TMCC2: variants seen among roughly 807,000 people sequenced by gnomAD.
TMCC2 encodes transmembrane and coiled-coil domain family 2.
In TMCC2, 16 loss-of-function variants were observed where a neutral mutation model predicts 49.4. That is an observed-to-expected ratio of 0.32 (90% CI 0.22 to 0.49). The LOEUF (loss-of-function observed/expected upper bound fraction) is 0.49. TMCC2 is among the 20% of genes least tolerant of loss of function. The pLI, the probability that TMCC2 is intolerant of heterozygous loss-of-function variation, is 0.99. For synonymous variants in TMCC2, 397 were observed against 434.1 expected (o/e 0.91, Z 1.06); for missense variants, 762 against 989.8 (o/e 0.77, Z 3.09).
intron 2 of TMCC2, among the ~76,000 whole-genome samples, chr1:205,252,922 G>A (rs1438991442): frequency 6.6e-6 from 1 of 151,296 alleles, no homozygotes; most frequent in Non-Finnish European, 1.5e-5. Flanking sequence ...GAAGTTCGAG[G>A]CCAGCCTGGG....
At chr1:205,229,729 A>T (rs887320529) in intron 1 of TMCC2, 31 of 985,454 alleles carry the variant, frequency 3.1e-5, no homozygotes, top group Non-Finnish European at 3.7e-5. Flanking sequence ...CAAGTTGCAT[A>T]CATGCTGAGC....
chr1:205,262,287 G>A (rs1051846042), intron 2 of TMCC2, among the ~76,000 whole-genome samples: 26 of 152,268 alleles, frequency 1.7e-4, no homozygotes, highest in African/African-American at 5.3e-4. Context: ...GGAAAAAGCC[G>A]GCGTCCTGCT....
At chr1:205,271,714 A>G (rs1661601675) in intron 4 of TMCC2, 99 bp from the exon 5 acceptor site, 26 of 1,463,592 alleles carry the variant, frequency 1.8e-5, no homozygotes, top group Non-Finnish European at 2.4e-5. Context: ...TGGAGAGGAG[A>G]CTTCGTTATA....
Position 205,256,229 on chromosome 1 carries a change from A to G in TMCC2, c.748-12721A>G, listed in dbSNP as rs964208197. The G allele has an allele frequency of 8.1e-5, 122 of 1,500,686 alleles. 1 individual carries two copies. The African/African-American group carries it at 1.6e-3, about 19-fold the overall frequency. The allele number at this position is 1,500,686 out of a possible 1,614,324, so 93.0% of individuals were successfully genotyped here. On this transcript the variant is annotated intron_variant, in intron 2 of 4. Transcript: ENST00000358024. Reference sequence around the variant, plus strand: ...TGGGTGCAGAATCCATGTCTTTCTGAACGACAGTTCTGCTGTGAGAAGCTG... The same window carrying G: ...TGGGTGCAGAATCCATGTCTTTCTGGACGACAGTTCTGCTGTGAGAAGCTG...
At chr1:205,258,096 A>G (rs1003559499) in intron 2 of TMCC2, among the ~76,000 whole-genome samples, 2 of 152,114 alleles carry the variant, frequency 1.3e-5, no homozygotes, top group Non-Finnish European at 2.9e-5. Flanking sequence ...TCAGGGCAGG[A>G]GGAAGAACTT....
rs1660261303 is a variant in TMCC2 at position 205,241,498 on chromosome 1, C to T, written c.208-7C>T. On this transcript the variant is annotated splice_region_variant and splice_polypyrimidine_tract_variant and intron_variant, in intron 1 of 4. Transcript: ENST00000358024. This position sits in a 1 kb window ranked among gnomAD's most constrained non-coding sequence, Gnocchi z 7.3. ...CTCACCAGGGTTCTTCATCTCTCCC[C>T]CTTAAGAAAATCCAGCAGCTGTCAG... The T allele has an allele frequency of 2.5e-6, 4 of 1,612,962 alleles. No individual in the cohort carries two copies. The highest frequency in any genetic ancestry group is 3.4e-6 in the Non-Finnish European group (4 of 1,179,712).
At chr1:205,228,808 C>G in intron 1 of TMCC2, 37 bp downstream of exon 1, 2 of 1,550,062 alleles carry the variant, frequency 1.3e-6, no homozygotes, top group Non-Finnish European at 1.7e-6. Context: ...GCCCAGCCCG[C>G]GACTTAGCTC....
chr1:205,263,794 T>C (rs1661212775), intron 2 of TMCC2, among the ~76,000 whole-genome samples: 2 of 152,206 alleles, frequency 1.3e-5, no homozygotes, highest in South Asian at 4.1e-4. Context: ...TGATAACCAC[T>C]GATTAGACTC....
At chr1:205,266,984 C>A (rs1224581939) in intron 2 of TMCC2, among the ~76,000 whole-genome samples, 1 of 152,226 alleles carries the variant, frequency 6.6e-6, no homozygotes, top group Non-Finnish European at 1.5e-5. Context: ...AGTCAGGCTA[C>A]TGGGACAGTT....
intron 2 of TMCC2, among the ~76,000 whole-genome samples, chr1:205,247,350 C>T (rs1660492527): frequency 6.6e-6 from 1 of 152,140 alleles, no homozygotes; most frequent in Non-Finnish European, 1.5e-5. Flanking sequence ...GTCACTGAAC[C>T]CGGCTGGGGA....
Position 205,269,719 on chromosome 1 carries a change from C to G in TMCC2, c.1517C>G (p.Ser506Cys), listed in dbSNP as rs1454804027. 6.2e-7 allele frequency: 1 copy of G among 1,614,060 alleles called. No individual in the cohort carries two copies. The highest frequency in any genetic ancestry group is 1.3e-5 in the African/African-American group (1 of 74,936). ...GGTGGGGCGCTGGGGAGCCCTAAGTCCAATGCACTGTATGGTGCTCCTGGA... is the reference window on the plus strand; with the variant it reads ...GGTGGGGCGCTGGGGAGCCCTAAGTGCAATGCACTGTATGGTGCTCCTGGA... ...GPGGALGSPK[S>C]NALYGAPGNL... Residue 506 changes from serine to cysteine, a missense_variant, in exon 3 of 5, where the codon TCC becomes TGC. Coordinates refer to ENST00000358024, the MANE Select transcript of TMCC2 (RefSeq NM_014858.4).
chr1:205,249,886 G>A (rs891380046), intron 2 of TMCC2, among the ~76,000 whole-genome samples: 1 of 152,234 alleles, frequency 6.6e-6, no homozygotes, highest in African/African-American at 2.4e-5. Flanking sequence ...GGGCAGCTGT[G>A]TGATTTGCCA....
chr1:205,264,460 C>T lies in TMCC2; in HGVS notation c.748-4490C>T, dbSNP rs772513542. 4.3e-4 allele frequency among the ~76,000 whole-genome samples: 65 copies of T among 151,824 alleles called. No homozygotes were observed. The highest frequency in any genetic ancestry group is 1.8e-4 in the Non-Finnish European group (12 of 67,942). On this transcript the variant is annotated intron_variant, in intron 2 of 4. Transcript: ENST00000358024. This position sits in a 1 kb window ranked among gnomAD's most constrained non-coding sequence, Gnocchi z 4.2. ...CAGCCTCCTGAGTAGCTGGAACAAC[C>T]GGAACATGCCACCACACTCAGTTAA... is the stretch of plus-strand genomic sequence containing the variant.
At chr1:205,249,473 C>A (rs1474324442) in intron 2 of TMCC2, among the ~76,000 whole-genome samples, 1 of 152,186 alleles carries the variant, frequency 6.6e-6, no homozygotes, top group East Asian at 1.9e-4. Flanking sequence ...GTGGGGCGGG[C>A]TCTGCTGAGA....
intron 1 of TMCC2, among the ~76,000 whole-genome samples, chr1:205,235,342 C>T (rs142209613): frequency 7.9e-5 from 12 of 152,326 alleles, no homozygotes; most frequent in African/African-American, 1.2e-4. Flanking sequence ...CCTAGTTGTT[C>T]TAGTGGGAAC....
At chr1:205,266,317 G>A (rs1315410190) in intron 2 of TMCC2, among the ~76,000 whole-genome samples, 5 of 151,392 alleles carry the variant, frequency 3.3e-5, no homozygotes, top group African/African-American at 1.2e-4. Flanking sequence ...TGGGCCGGGC[G>A]CGGTGACTCA....
chr1:205,261,196 C>CTTTTTTTT (rs34247734), intron 2 of TMCC2, among the ~76,000 whole-genome samples: 2 of 95,234 alleles, frequency 2.1e-5, no homozygotes, highest in Non-Finnish European at 4.1e-5. Flanking sequence ...CACTTATTTC[C>CTTTTTTTT]TTTTTTTTTT....
chr1:205,246,887 A>G (rs959807081), intron 2 of TMCC2, among the ~76,000 whole-genome samples: 1 of 151,816 alleles, frequency 6.6e-6, no homozygotes, highest in African/African-American at 2.4e-5. Context: ...CTGGTGAAGG[A>G]CTGTGGATGT....
At chr1:205,236,319 G>T (rs183192188) in intron 1 of TMCC2, among the ~76,000 whole-genome samples, 1 of 152,200 alleles carries the variant, frequency 6.6e-6, no homozygotes, top group Admixed American at 6.5e-5. Context: ...TGAGAAGAGG[G>T]TTTAAACTGC....
Sources: allele counts gnomAD v4.1 joint callset (sites outside exome capture counted in the v4.1 genomes callset), GRCh38; gene constraint gnomAD v4.1.1; non-coding constraint Gnocchi (gnomAD v3.1); transcripts MANE v1.5; gene names NCBI Gene and HGNC (gene_info 2026-07-23, HGNC 2026-07-21).